The following BABAM2 variants were observed in gnomAD, a reference collection of about 807,000 sequenced individuals.
BABAM2 encodes BRISC and BRCA1-A complex member 2.
Under a neutral mutation model 54.7 loss-of-function variants are expected in BABAM2, and 31 were observed. The observed-to-expected ratio is 0.57, with a 90% CI of 0.43 to 0.77. The LOEUF (loss-of-function observed/expected upper bound fraction) is 0.77, where lower values mean the gene tolerates loss of function less well. Among genes scored for constraint, BABAM2 ranks in the 30% least tolerant of loss-of-function variants. BABAM2 has a pLI of 0.00. For missense variants in BABAM2, 364 were observed against 455.8 expected (o/e 0.80, Z 1.83); for synonymous variants, 167 against 162.9 (o/e 1.03, Z -0.19).
chr2:28,247,488 G>A (rs1034698706), intron 10 of BABAM2, among the ~76,000 whole-genome samples: 1 of 152,156 alleles, frequency 6.6e-6, no homozygotes, highest in Admixed American at 6.5e-5. Context: ...GGGACCACTT[G>A]TTCCTTTTTC....
At chr2:28,286,400 G>A (rs1686818606) in intron 10 of BABAM2, among the ~76,000 whole-genome samples, 1 of 152,112 alleles carries the variant, frequency 6.6e-6, no homozygotes, top group South Asian at 2.1e-4. Context: ...AATGCTCATA[G>A]AAAGACGTTC....
chr2:28,077,320 T>C (rs1359205262), intron 6 of BABAM2, among the ~76,000 whole-genome samples: 1 of 152,240 alleles, frequency 6.6e-6, no homozygotes, highest in Non-Finnish European at 1.5e-5. Flanking sequence ...GTTTCGTTCC[T>C]ATATGCTTTA....
chr2:28,069,792 T>C (rs146725559), intron 6 of BABAM2, among the ~76,000 whole-genome samples: 10 of 152,368 alleles, frequency 6.6e-5, no homozygotes, highest in African/African-American at 2.2e-4. Flanking sequence ...TTAATACATG[T>C]AACTGGTTAG....
At chr2:28,176,580 A>AC (rs1417858790) in intron 7 of BABAM2, among the ~76,000 whole-genome samples, 2 of 143,384 alleles carry the variant, frequency 1.4e-5, no homozygotes, top group African/African-American at 5.0e-5. Context: ...AAAAAAAAAA[A>AC]AAAAAAAAAA....
intron 7 of BABAM2, among the ~76,000 whole-genome samples, chr2:28,132,452 AC>A (rs1210469744): frequency 3.3e-5 from 5 of 151,802 alleles, no homozygotes; most frequent in Non-Finnish European, 7.4e-5. Context: ...CTTCTTTCTT[AC>A]GTTAAGAGCT....
rs1468347133 is a variant in BABAM2, at chr2:28,325,344, C to T, written c.1089-13106C>T. Reference sequence around the variant, plus strand: ...GCCCAGCAGAGCAGATGCATCTCCTCCTCCTGTGCTTGCCCCCAGCCTCTC... The same window carrying T: ...GCCCAGCAGAGCAGATGCATCTCCTTCTCCTGTGCTTGCCCCCAGCCTCTC... On this transcript the variant is annotated intron_variant, in intron 11 of 11. Transcript: ENST00000379624. The surrounding 1 kb of genome is among the most constrained non-coding windows in gnomAD (Gnocchi z 4.3). Among the ~76,000 whole-genome samples the T allele has an allele frequency of 1.3e-5, 2 of 152,220 alleles. No homozygotes were observed. The highest frequency in any genetic ancestry group is 4.8e-5 in the African/African-American group (2 of 41,448).
chr2:27,978,411 T>C (rs1573312865), intron 3 of BABAM2, among the ~76,000 whole-genome samples: 1 of 152,292 alleles, frequency 6.6e-6, no homozygotes, highest in Middle Eastern at 3.4e-3. Flanking sequence ...AATTATCCAG[T>C]CCTCGGTTAG....
chr2:28,253,489 A>C (rs987167677), intron 10 of BABAM2, among the ~76,000 whole-genome samples: 12 of 152,206 alleles, frequency 7.9e-5, no homozygotes, highest in African/African-American at 2.9e-4. Context: ...AATCTGCAGA[A>C]CATCTTTCTG....
intron 4 of BABAM2, among the ~76,000 whole-genome samples, chr2:28,015,354 A>C (rs1674723335): frequency 6.6e-6 from 1 of 152,200 alleles, no homozygotes; most frequent in South Asian, 2.1e-4. Context: ...TATTAATTTA[A>C]TCCCTCCTTC....
At chr2:28,125,676 T>C (rs1056823458) in intron 6 of BABAM2, among the ~76,000 whole-genome samples, 1 of 152,170 alleles carries the variant, frequency 6.6e-6, no homozygotes, top group Non-Finnish European at 1.5e-5. Flanking sequence ...AAGCTCAGTT[T>C]TAATTCTCTA....
intron 4 of BABAM2, among the ~76,000 whole-genome samples, chr2:28,005,795 T>A (rs924919365): frequency 1.3e-5 from 2 of 152,122 alleles, no homozygotes; most frequent in Non-Finnish European, 2.9e-5. Context: ...TTTCAATAAT[T>A]GCCACGTCAT....
intron 7 of BABAM2, among the ~76,000 whole-genome samples, chr2:28,236,042 C>T (rs1681878878): frequency 6.6e-6 from 1 of 152,146 alleles, no homozygotes; most frequent in Non-Finnish European, 1.5e-5. Context: ...ACTGCAGGGT[C>T]TTGGATAATA....
At chr2:28,013,715 A>ACACACACACACACACC in intron 4 of BABAM2, among the ~76,000 whole-genome samples, 1 of 145,736 alleles carries the variant, frequency 6.9e-6, no homozygotes, top group Non-Finnish European at 1.5e-5. Flanking sequence ...ACACACACAC[A>ACACACACACACACACC]CACACACACA....
chr2:28,072,332 C>T (rs1401606447), intron 6 of BABAM2, among the ~76,000 whole-genome samples: 2 of 151,868 alleles, frequency 1.3e-5, no homozygotes, highest in Non-Finnish European at 2.9e-5. Flanking sequence ...ACCACCACGC[C>T]CAGCTAATTT....
At position 28,229,921 on chromosome 2, in the gene BABAM2, T is replaced by G. The variant is rs1196137996; in HGVS notation, c.681-7281T>G. 3.9e-5 allele frequency among the ~76,000 whole-genome samples: 6 copies of G among 152,294 alleles called. No homozygotes were observed. The East Asian group carries it at 1.2e-3, about 29-fold the overall frequency. On this transcript the variant is annotated intron_variant, in intron 7 of 11. Coordinates refer to ENST00000379624, the MANE Select transcript of BABAM2 (RefSeq NM_199191.3). The stretch of plus-strand genomic sequence containing the variant: ...AATTACTCCATTTAATAATGGTGTA[T>G]TTTTAAAGTTATTTAACTTAGCCAT...
intron 4 of BABAM2, among the ~76,000 whole-genome samples, chr2:27,989,576 CTG>C (rs2148489431): frequency 6.6e-6 from 1 of 152,228 alleles, no homozygotes; most frequent in South Asian, 2.1e-4. Flanking sequence ...TGGGAGAAGA[CTG>C]TGGGGCACAT....
chr2:27,967,103 C>T (rs1485925418), intron 3 of BABAM2, among the ~76,000 whole-genome samples: 2 of 152,116 alleles, frequency 1.3e-5, no homozygotes, highest in Non-Finnish European at 2.9e-5. Flanking sequence ...AGCTTCCTGC[C>T]TTTGTTTGGT....
At chr2:28,300,919 G>T (rs553633731) in intron 11 of BABAM2, among the ~76,000 whole-genome samples, 1 of 152,262 alleles carries the variant, frequency 6.6e-6, no homozygotes, top group East Asian at 1.9e-4. Context: ...GCTCGTGCTA[G>T]CAAGAAGAAA....
chr2:28,326,368 G>A (rs1202178844), intron 11 of BABAM2, among the ~76,000 whole-genome samples: 1 of 152,148 alleles, frequency 6.6e-6, no homozygotes, highest in Non-Finnish European at 1.5e-5. Flanking sequence ...AGTGAGCAGA[G>A]GACTCACCAT....
Sources: allele counts gnomAD v4.1 joint callset (sites outside exome capture counted in the v4.1 genomes callset), GRCh38; gene constraint gnomAD v4.1.1; non-coding constraint Gnocchi (gnomAD v3.1); transcripts MANE v1.5; gene names NCBI Gene and HGNC (gene_info 2026-07-23, HGNC 2026-07-21).